Variants in SERHL2 observed in about 807,000 individuals in gnomAD.
SERHL2 encodes serine hydrolase like 2.
In SERHL2, 29 loss-of-function variants were observed where a neutral mutation model predicts 25.5. That is an observed-to-expected ratio of 1.14 (90% CI 0.85 to 1.55). SERHL2 has a LOEUF of 1.55. Among genes scored for constraint, SERHL2 ranks in the 40% most tolerant of loss-of-function variants. SERHL2 has a pLI of 0.00. For synonymous variants in SERHL2, 95 were observed against 103.5 expected (o/e 0.92, Z 0.50); for missense variants, 240 against 252.3 (o/e 0.95, Z 0.33).
intron 8 of SERHL2, among the ~76,000 whole-genome samples, chr22:42,560,809 C>T (rs1452766574): frequency 2.0e-5 from 3 of 151,954 alleles, no homozygotes; most frequent in Non-Finnish European, 4.4e-5. Context: ...CATCATGGCT[C>T]ACTGCAGCCT....
At chr22:42,569,238 T>C (rs1236841109) in intron 9 of SERHL2, 1 of 151,698 alleles carries the variant, frequency 6.6e-6, no homozygotes, top group Non-Finnish European at 1.5e-5. Context: ...TATGTGCTGC[T>C]GAAGCAAAGC....
intron 10 of SERHL2, 133 bp from the exon 11 acceptor site, chr22:42,572,303 A>C (rs1158995291): frequency 9.7e-6 from 6 of 619,402 alleles, no homozygotes; most frequent in African/African-American, 5.6e-5. Flanking sequence ...GGGTCAAGGG[A>C]CCCAGCTGTG....
At chr22:42,568,267 C>A (rs1305633770) in intron 9 of SERHL2, among the ~76,000 whole-genome samples, 1 of 151,842 alleles carries the variant, frequency 6.6e-6, no homozygotes, top group African/African-American at 2.4e-5. Context: ...AAGCTATCCT[C>A]CCGCCTCAGT....
rs1319754175 is a variant in SERHL2, at chr22:42,574,195, G to C, written c.*140G>C. On this transcript the variant is annotated 3_prime_UTR_variant, in exon 12 of 12. Transcript: ENST00000327678. ...GGCCCAGCCTAGGATGGTAGTCAGGGGAAGGAGCGAGATTCCAACTTCAAC... is the reference window on the plus strand; with the variant it reads ...GGCCCAGCCTAGGATGGTAGTCAGGCGAAGGAGCGAGATTCCAACTTCAAC... 2.0e-5 allele frequency: 14 copies of C among 716,832 alleles called. No homozygotes were observed. Among genetic ancestry groups the C allele is most frequent in the Non-Finnish European group, 3.0e-5 (13 of 426,468 alleles). The allele number at this position is 716,832 out of a possible 1,614,324, so 44.4% of individuals were successfully genotyped here.
At position 42,560,240 on chromosome 22, in the gene SERHL2, A is replaced by C; in HGVS notation, c.588A>C (p.Gln196His). The C allele has an allele frequency of 6.2e-7, 1 of 1,612,654 alleles. No individual in the cohort carries two copies. The highest frequency in any genetic ancestry group is 8.5e-7 in the Non-Finnish European group (1 of 1,178,910). Residue 196 changes from glutamine to histidine, a missense_variant, in exon 8 of 12, where the codon CAA (glutamine) becomes CAC (histidine). Physicochemically the swap from Gln to His is conservative, Grantham distance 24. Coordinates refer to ENST00000327678, the MANE Select transcript of SERHL2 (RefSeq NM_014509.5). ...LSEECGELLL[Q>H]RGTTKVATGL... The stretch of plus-strand genomic sequence containing the variant: ...AGGAGTGCGGGGAGCTTCTCCTGCA[A>C]AGAGGAACCACGAAGGTGGCCACAG...
At chr22:42,572,814 G>C (rs1305882109) in intron 11 of SERHL2, 1 of 566,172 alleles carries the variant, frequency 1.8e-6, no homozygotes, top group African/African-American at 2.0e-5. Context: ...ACAGGCACCT[G>C]CCACCATGCC....
intron 9 of SERHL2, 131 bp downstream of exon 9, chr22:42,566,469 A>C: frequency 1.2e-6 from 1 of 810,340 alleles, no homozygotes; most frequent in Non-Finnish European, 2.0e-6. Context: ...GAGGCAGGAC[A>C]ATCGCTTGAA....
At chr22:42,554,198 C>A (rs1046633901) in intron 1 of SERHL2, 156 bp downstream of exon 1, 2 of 932,970 alleles carry the variant, frequency 2.1e-6, no homozygotes, top group Non-Finnish European at 3.2e-6. Context: ...AGAGCGCGAC[C>A]GGCCAGGAGT....
chr22:42,559,868 G>A (rs1454989217), intron 7 of SERHL2, among the ~76,000 whole-genome samples: 1 of 151,960 alleles, frequency 6.6e-6, no homozygotes, highest in Non-Finnish European at 1.5e-5. Flanking sequence ...CTAGAGTGCA[G>A]TGGCACAATC....
intron 8 of SERHL2, chr22:42,563,284 G>GGTGTGA (rs1922926009): frequency 4.3e-6 from 1 of 231,600 alleles, no homozygotes; most frequent in Non-Finnish European, 9.2e-6. Flanking sequence ...GCTCACTGCA[G>GGTGTGA]CCTTGGCCTC....
chr22:42,572,811 C>A (rs985784344), intron 11 of SERHL2: 2 of 618,716 alleles, frequency 3.2e-6, no homozygotes, highest in African/African-American at 4.0e-5. Flanking sequence ...ATTACAGGCA[C>A]CTGCCACCAT....
At chr22:42,569,670 A>T (rs1005950059) in intron 9 of SERHL2, 1 of 151,854 alleles carries the variant, frequency 6.6e-6, no homozygotes, top group Non-Finnish European at 1.5e-5. Context: ...CTGCTGTGAG[A>T]TGTGGCAGCT....
chr22:42,573,084 A>G (rs1220645616), intron 11 of SERHL2, among the ~76,000 whole-genome samples: 1 of 151,720 alleles, frequency 6.6e-6, no homozygotes, highest in Admixed American at 6.6e-5. Flanking sequence ...CTTTTCCCCC[A>G]GGTTCCTGGG....
chr22:42,554,049 C>CCTT lies in SERHL2; in HGVS notation c.22+7_22+8insCTT, dbSNP rs1921918764. 1 of 1,613,236 alleles carries CCTT rather than the reference C, an allele frequency of 6.2e-7. No individual in the cohort carries two copies. Among genetic ancestry groups the CCTT allele is most frequent in the South Asian group, 1.1e-5 (1 of 91,006 alleles). ...AGTGAGAACGCCGCACCAGGTCTGA[C>CCTT]GGGGAGGCCTTGTGCGAGCGTCCCA... is the stretch of plus-strand genomic sequence containing the variant. On this transcript the variant is annotated splice_region_variant and intron_variant, in intron 1 of 11. Coordinates refer to ENST00000327678, the MANE Select transcript of SERHL2 (RefSeq NM_014509.5).
intron 1 of SERHL2, among the ~76,000 whole-genome samples, chr22:42,554,262 G>C (rs1217961949): frequency 1.3e-5 from 2 of 152,142 alleles, no homozygotes; most frequent in Non-Finnish European, 2.9e-5. Flanking sequence ...AGGAGCCCCT[G>C]AGTTAGCCGA....
intron 8 of SERHL2, among the ~76,000 whole-genome samples, chr22:42,562,191 C>A (rs1922767671): frequency 6.6e-6 from 1 of 151,750 alleles, no homozygotes; most frequent in Non-Finnish European, 1.5e-5. Flanking sequence ...CCAGAACCCC[C>A]CACCCAGTGC....
At chr22:42,562,626 C>T (rs1451819372) in intron 8 of SERHL2, among the ~76,000 whole-genome samples, 2 of 151,694 alleles carry the variant, frequency 1.3e-5, no homozygotes, top group Non-Finnish European at 2.9e-5. Context: ...TCTGGGTGGG[C>T]CTCATGAGAA....
chr22:42,566,966 C>G (rs564583172), intron 9 of SERHL2, among the ~76,000 whole-genome samples: 384 of 152,034 alleles, frequency 2.5e-3, no homozygotes, highest in African/African-American at 8.6e-3. Flanking sequence ...TGCTTTCATT[C>G]GCTCAGCTGG....
intron 8 of SERHL2, among the ~76,000 whole-genome samples, chr22:42,560,797 A>T (rs1922588376): frequency 6.6e-6 from 1 of 151,864 alleles, no homozygotes; most frequent in Non-Finnish European, 1.5e-5. Flanking sequence ...GTGCGGTGGC[A>T]CCATCATGGC....
Sources: gnomAD v4.1 joint callset for allele counts (sites outside exome capture counted in the v4.1 genomes callset) on GRCh38, gnomAD v4.1.1 for gene constraint, MANE v1.5 for transcripts, NCBI Gene and HGNC (gene_info 2026-07-23, HGNC 2026-07-21) for gene names.